The following SCFD2 variants were observed in gnomAD, a reference collection of about 807,000 sequenced individuals.
The protein encoded by SCFD2 is sec1 family domain containing 2, also known as sec1 family domain-containing protein 2.
A neutral mutation model predicts 58.9 loss-of-function variants in SCFD2; 54 were observed. The ratio of observed to expected loss-of-function variants is 0.92; its 90% confidence interval spans 0.74 to 1.15. SCFD2 has a LOEUF of 1.15. Among genes scored for constraint, SCFD2 ranks in the 50% most tolerant of loss-of-function variants. The pLI is 0.00. For synonymous variants in SCFD2, 321 were observed against 335.9 expected, an observed-to-expected ratio of 0.96 and a Z score of 0.49; for missense variants, 805 against 836.6, an observed-to-expected ratio of 0.96 and a Z score of 0.47.
At chr4:53,010,552 C>T (rs1252569069) in intron 5 of SCFD2, among the ~76,000 whole-genome samples, 2 of 152,186 alleles carry the variant, frequency 1.3e-5, no homozygotes, top group African/African-American at 2.4e-5. Flanking sequence ...AATCCCTGTC[C>T]TTGTGGGCAA....
intron 6 of SCFD2, among the ~76,000 whole-genome samples, chr4:52,914,963 C>T (rs941979473): frequency 6.6e-6 from 1 of 152,052 alleles, no homozygotes; most frequent in Admixed American, 6.6e-5. Context: ...AAAAATACCA[C>T]ATTTAAGTAA....
intron 5 of SCFD2, among the ~76,000 whole-genome samples, chr4:52,941,146 G>T (rs1197004132): frequency 6.6e-6 from 1 of 151,766 alleles, no homozygotes; most frequent in Non-Finnish European, 1.5e-5. Flanking sequence ...CACAGTTCCA[G>T]AAAGATCTTT....
intron 5 of SCFD2, among the ~76,000 whole-genome samples, chr4:53,144,429 T>C (rs546251539): frequency 1.3e-5 from 2 of 149,226 alleles, no homozygotes; most frequent in Admixed American, 1.3e-4. Context: ...TTATATATGA[T>C]ATATATTATA....
chr4:53,361,150 C>A (rs556517241), intron 1 of SCFD2, among the ~76,000 whole-genome samples: 2 of 152,286 alleles, frequency 1.3e-5, no homozygotes, highest in South Asian at 4.1e-4. Flanking sequence ...AAAGTAAGGA[C>A]TTTACACTAA....
chr4:53,303,870 C>T (rs1294512035), intron 3 of SCFD2, among the ~76,000 whole-genome samples: 1 of 147,186 alleles, frequency 6.8e-6, no homozygotes, highest in Admixed American at 7.0e-5. Context: ...CCAAACACCG[C>T]ATGTTCTCAC....
At chr4:53,053,218 G>A (rs181540084) in intron 5 of SCFD2, among the ~76,000 whole-genome samples, 56 of 142,696 alleles carry the variant, frequency 3.9e-4, no homozygotes, top group Admixed American at 1.0e-3. Context: ...GAGAGACACC[G>A]TCTCAAAAAA....
chr4:52,952,636 G>A (rs1376083846), intron 5 of SCFD2, among the ~76,000 whole-genome samples: 1 of 152,042 alleles, frequency 6.6e-6, no homozygotes, highest in African/African-American at 2.4e-5. Context: ...ATCACATATG[G>A]GCAACATCTA....
At chr4:53,179,773 A>G (rs575612197) in intron 4 of SCFD2, among the ~76,000 whole-genome samples, 36 of 152,346 alleles carry the variant, frequency 2.4e-4, no homozygotes, top group African/African-American at 8.7e-4. Flanking sequence ...GTGCAGAGAC[A>G]CACATAGGCT....
At chr4:53,316,937 G>A (rs763561385) in intron 2 of SCFD2, among the ~76,000 whole-genome samples, 13 of 151,762 alleles carry the variant, frequency 8.6e-5, no homozygotes, top group Non-Finnish European at 1.8e-4. Context: ...GAGAAACCCC[G>A]CCCCTAATAA....
intron 5 of SCFD2, among the ~76,000 whole-genome samples, chr4:52,945,442 T>C (rs1720398709): frequency 6.6e-6 from 1 of 152,178 alleles, no homozygotes. Context: ...CCTCAACACA[T>C]ATATTTTAAC....
intron 5 of SCFD2, among the ~76,000 whole-genome samples, chr4:52,931,905 C>T (rs1361214434): frequency 6.6e-6 from 1 of 152,128 alleles, no homozygotes; most frequent in Non-Finnish European, 1.5e-5. Flanking sequence ...TATTTCATCA[C>T]GAAGATATGT....
At chr4:53,188,116 A>C (rs547265481) in intron 4 of SCFD2, among the ~76,000 whole-genome samples, 2 of 152,164 alleles carry the variant, frequency 1.3e-5, no homozygotes, top group Admixed American at 6.6e-5. Flanking sequence ...GTTAAATGGC[A>C]ATAGAAAAAA....
chr4:53,164,751 A>G (rs1726954486), intron 4 of SCFD2, among the ~76,000 whole-genome samples: 1 of 143,048 alleles, frequency 7.0e-6, no homozygotes, highest in Non-Finnish European at 1.5e-5. Context: ...AGATCACGCC[A>G]TTGCAGCCTG....
chr4:53,001,280 C>T (rs953549496), intron 5 of SCFD2, among the ~76,000 whole-genome samples: 1 of 152,154 alleles, frequency 6.6e-6, no homozygotes, highest in Non-Finnish European at 1.5e-5. Context: ...GTTCTTTCTA[C>T]CAGGACAGTC....
chr4:53,281,662 G>C (rs1731514384), intron 3 of SCFD2, among the ~76,000 whole-genome samples: 1 of 152,196 alleles, frequency 6.6e-6, no homozygotes, highest in Admixed American at 6.5e-5. Flanking sequence ...AAAAGGGATA[G>C]AAATGCACTC....
intron 4 of SCFD2, among the ~76,000 whole-genome samples, chr4:53,195,003 C>T (rs968764786): frequency 1.3e-5 from 2 of 152,026 alleles, no homozygotes; most frequent in African/African-American, 4.8e-5. Flanking sequence ...TGTAAAAACC[C>T]CAAGTGGCTT....
intron 4 of SCFD2, among the ~76,000 whole-genome samples, chr4:53,272,000 T>C (rs976925181): frequency 1.2e-4 from 18 of 152,040 alleles, no homozygotes; most frequent in African/African-American, 4.3e-4. Context: ...CTCAAACACA[T>C]TTACAAGAAA....
intron 6 of SCFD2, among the ~76,000 whole-genome samples, chr4:52,918,746 C>A (rs1279587178): frequency 6.6e-6 from 1 of 151,936 alleles, no homozygotes; most frequent in Non-Finnish European, 1.5e-5. Context: ...CCTACATGTC[C>A]CCTCACTGCC....
At chr4:53,169,585 T>C (rs1351754541) in intron 4 of SCFD2, among the ~76,000 whole-genome samples, 3 of 152,178 alleles carry the variant, frequency 2.0e-5, no homozygotes, top group Admixed American at 2.0e-4. Context: ...TGCTGGATAA[T>C]ATGGTAATTC....
Sources: gnomAD v4.1 joint callset for allele counts (sites outside exome capture counted in the v4.1 genomes callset) on GRCh38, gnomAD v4.1.1 for gene constraint, MANE v1.5 for transcripts, NCBI Gene and HGNC (gene_info 2026-07-23, HGNC 2026-07-21) for gene names.